CRMP1: variants seen among roughly 807,000 people sequenced by gnomAD.
CRMP1 encodes the protein dihydropyrimidinase-related protein 1.
CRMP1 carries 19 observed loss-of-function variants against 68.3 expected under a neutral mutation model. The ratio of observed to expected loss-of-function variants is 0.28; its 90% CI spans 0.19 to 0.41. The LOEUF (loss-of-function observed/expected upper bound fraction) is 0.41. Among genes scored for constraint, CRMP1 ranks in the 10% least tolerant of loss-of-function variants. CRMP1 has a pLI of 1.00. For synonymous variants in CRMP1, 439 were observed against 399.6 expected (o/e 1.10, Z -1.18); for missense variants, 791 against 967.4 (o/e 0.82, Z 2.42).
chr4:5,851,559 G>C, intron 4 of CRMP1, 90 bp from the exon 5 acceptor site: 1 of 1,302,128 alleles, frequency 7.7e-7, no homozygotes, highest in South Asian at 1.2e-5. Flanking sequence ...GAGCAGAGTG[G>C]TAGTCGCCAG....
chr4:5,878,908 T>C (rs2152473734), intron 1 of CRMP1, among the ~76,000 whole-genome samples: 1 of 152,286 alleles, frequency 6.6e-6, no homozygotes, highest in Middle Eastern at 3.4e-3. Flanking sequence ...AACTCTTTTT[T>C]AGATCTTGTT....
intron 11 of CRMP1, among the ~76,000 whole-genome samples, chr4:5,830,952 AT>A (rs1221711345): frequency 6.6e-6 from 1 of 151,866 alleles, no homozygotes; most frequent in African/African-American, 2.4e-5. Context: ...TTAGTTTTTT[AT>A]TTTTGTTTGT....
chr4:5,864,331 C>T (rs1713823147), intron 2 of CRMP1, among the ~76,000 whole-genome samples: 1 of 152,184 alleles, frequency 6.6e-6, no homozygotes, highest in African/African-American at 2.4e-5. Context: ...CCAGAGCCCC[C>T]ACACAAAGGG....
Position 5,892,719 on chromosome 4 carries a change from G to GC in CRMP1, c.250_251insG (p.Thr84SerfsTer46). On this transcript the variant is annotated frameshift_variant, in exon 1 of 14. Coordinates refer to ENST00000324989, the MANE Select transcript of CRMP1 (RefSeq NM_001014809.3). LOFTEE classifies it high-confidence loss of function. This position sits in a 1 kb window ranked among gnomAD's most constrained non-coding sequence, Gnocchi z 8.6. The stretch of plus-strand genomic sequence containing the variant: ...CGAGGGCTCGCTCACGTCGCTGGCC[G>GC]TGTCCTCGCTGCCTCCCGGCCCTGG... The GC allele has an allele frequency of 8.1e-7, 1 of 1,228,788 alleles. No individual in the cohort carries two copies. The highest frequency in any genetic ancestry group is 3.3e-5 in the South Asian group (1 of 30,188). 76.1% of individuals were successfully genotyped at this position (1,228,788 alleles called of 1,614,324 possible). A position where few individuals can be genotyped will look rare whatever the true frequency, so the allele number is the denominator to read the frequency against.
chr4:5,881,095 C>T lies in CRMP1; in HGVS notation c.381+11494G>A, dbSNP rs1445883619. ...ACACAGCTGATACAAAGGCAGAGGGCCACACATGGTGTGCCAGGTCAAGGC... is the reference window on the plus strand; with the variant it reads ...ACACAGCTGATACAAAGGCAGAGGGTCACACATGGTGTGCCAGGTCAAGGC... On this transcript the variant is annotated intron_variant, in intron 1 of 13. Coordinates refer to ENST00000324989, the MANE Select transcript of CRMP1 (RefSeq NM_001014809.3). The surrounding 1 kb of genome is among the most constrained non-coding windows in gnomAD (Gnocchi z 4.6). Among the ~76,000 whole-genome samples the T allele has an allele frequency of 6.6e-6, 1 of 152,214 alleles. No homozygotes were observed. Among genetic ancestry groups the T allele is most frequent in the African/African-American group, 2.4e-5 (1 of 41,460 alleles).
intron 10 of CRMP1, among the ~76,000 whole-genome samples, chr4:5,836,306 T>C (rs781550345): frequency 2.0e-5 from 3 of 152,178 alleles, no homozygotes; most frequent in Non-Finnish European, 4.4e-5. Flanking sequence ...CAAGAGCCAC[T>C]ATGACATCTT....
intron 13 of CRMP1, chr4:5,824,630 A>T: frequency 1.1e-6 from 1 of 949,984 alleles, no homozygotes; most frequent in Non-Finnish European, 1.3e-6. Context: ...AATAGTTTGT[A>T]CATTTTCAAA....
Position 5,892,623 on chromosome 4 carries a change from G to T in CRMP1, c.347C>A (p.Pro116His). ...PPTLRIRRPA[P>H]RDLPLGRDNG... ...GTCCCGGCCGAGGGGCAGGTCGCGG[G>T]GCGCGGGGCGGCGGATGCGCAGCGT... The change falls in exon 1 of 14, where the codon CCC (proline) becomes CAC (histidine). Residue 116 changes from proline to histidine, a missense_variant. Pro to His is a moderately conservative substitution (Grantham distance 77). Coordinates refer to ENST00000324989, the MANE Select transcript of CRMP1 (RefSeq NM_001014809.3). The surrounding 1 kb of genome is among the most constrained non-coding windows in gnomAD (Gnocchi z 8.6). 8.4e-7 allele frequency: 1 copy of T among 1,190,724 alleles called. No homozygotes were observed. The allele number at this position is 1,190,724 out of a possible 1,614,324, so 73.8% of individuals were successfully genotyped here. A position where few individuals can be genotyped will look rare whatever the true frequency, so the allele number is the denominator to read the frequency against.
Position 5,861,910 on chromosome 4 carries a change from C to CA in CRMP1, c.471-701dup, listed in dbSNP as rs543182501. Among the ~76,000 whole-genome samples the CA allele has an allele frequency of 1.3e-5, 2 of 152,238 alleles. No homozygotes were observed. The highest frequency in any genetic ancestry group is 1.9e-4 in the East Asian group (1 of 5,178). On this transcript the variant is annotated intron_variant, in intron 2 of 13. Transcript: ENST00000324989. This position sits in a 1 kb window ranked among gnomAD's most constrained non-coding sequence, Gnocchi z 6.0. Reference sequence around the variant, plus strand: ...GGCAGCATATTAATTTTCTAAGTCACAAAAAACCCTAGTAATAAAGACACA... The same window carrying CA: ...GGCAGCATATTAATTTTCTAAGTCACAAAAAAACCCTAGTAATAAAGACACA...
chr4:5,851,684 T>TGGAGGAGAAAG (rs1255941974), intron 4 of CRMP1, among the ~76,000 whole-genome samples: 2 of 147,994 alleles, frequency 1.4e-5, no homozygotes. Flanking sequence ...CTGAAGGTGA[T>TGGAGGAGAAAG]GGAGGAGAAA....
intron 4 of CRMP1, among the ~76,000 whole-genome samples, chr4:5,852,942 G>A (rs1302664362): frequency 4.6e-5 from 7 of 152,082 alleles, no homozygotes; most frequent in Non-Finnish European, 1.0e-4. Context: ...AGCCCCAAGA[G>A]CCAGAGGCAG....
At chr4:5,874,954 G>T (rs1167492769) in intron 1 of CRMP1, among the ~76,000 whole-genome samples, 2 of 152,184 alleles carry the variant, frequency 1.3e-5, no homozygotes, top group African/African-American at 2.4e-5. Flanking sequence ...ACCCTGCTGG[G>T]CTGCATTCCT....
At position 5,843,150 on chromosome 4, in the gene CRMP1, C is replaced by T; in HGVS notation, c.975G>A (p.Arg325=). The T allele has an allele frequency of 1.2e-6, 2 of 1,614,168 alleles. No individual in the cohort carries two copies. The highest frequency in any genetic ancestry group is 1.1e-5 in the South Asian group (1 of 91,070). ...NGDLIAQEQK[R]ILEMGITGPE... ...GACCCGTGATGCCCATCTCCAGGAT[C>T]CGCTTTTGTTCCTACAAGACAAGAA... is the stretch of plus-strand genomic sequence containing the variant. Residue 325 remains arginine, a synonymous_variant, in exon 7 of 14, where the codon CGG becomes CGA. Coordinates refer to ENST00000324989, the MANE Select transcript of CRMP1 (RefSeq NM_001014809.3). This position sits in a 1 kb window ranked among gnomAD's most constrained non-coding sequence, Gnocchi z 4.1.
intron 1 of CRMP1, among the ~76,000 whole-genome samples, chr4:5,873,687 G>C (rs7674209): frequency 6.6e-6 from 1 of 152,174 alleles, no homozygotes; most frequent in Non-Finnish European, 1.5e-5. Context: ...CCAATACTGG[G>C]CACTACAATT....
At position 5,888,128 on chromosome 4, in the gene CRMP1, G is replaced by A; in HGVS notation, c.381+4461C>T. On this transcript the variant is annotated intron_variant, in intron 1 of 13. Coordinates refer to ENST00000324989, the MANE Select transcript of CRMP1 (RefSeq NM_001014809.3). This position sits in a 1 kb window ranked among gnomAD's most constrained non-coding sequence, Gnocchi z 6.4. ...CCCGCGGCGACGCAGGAGGCCTCGG[G>A]GGGCGCCCCTGCCGGCGCCCCGTGG... 8.2e-7 allele frequency: 1 copy of A among 1,215,586 alleles called. No homozygotes were observed. Among genetic ancestry groups the A allele is most frequent in the East Asian group, 3.3e-5 (1 of 30,758 alleles). The allele number at this position is 1,215,586 out of a possible 1,614,324, so 75.3% of individuals were successfully genotyped here. A position where few individuals can be genotyped will look rare whatever the true frequency, so the allele number is the denominator to read the frequency against.
rs1715351983 is a variant in CRMP1, at chr4:5,883,412, T to C, written c.381+9177A>G. On this transcript the variant is annotated intron_variant, in intron 1 of 13. Transcript: ENST00000324989. This position sits in a 1 kb window ranked among gnomAD's most constrained non-coding sequence, Gnocchi z 4.5. ...CCTCCCAGGTTCAAGCAATTTCTCCTGCCTCAGCCTCCCGAATAGCTGGGA... is the reference window on the plus strand; with the variant it reads ...CCTCCCAGGTTCAAGCAATTTCTCCCGCCTCAGCCTCCCGAATAGCTGGGA... Among the ~76,000 whole-genome samples the C allele has an allele frequency of 6.6e-6, 1 of 152,090 alleles. No individual in the cohort carries two copies. Among genetic ancestry groups the C allele is most frequent in the Admixed American group, 6.6e-5 (1 of 15,260 alleles).
In CRMP1 at chr4:5,854,202, T is replaced by C. The variant is rs1304229583; in HGVS notation, c.820+1941A>G. On this transcript the variant is annotated intron_variant, in intron 4 of 13. Coordinates refer to ENST00000324989, the MANE Select transcript of CRMP1 (RefSeq NM_001014809.3). This position sits in a 1 kb window ranked among gnomAD's most constrained non-coding sequence, Gnocchi z 4.0. ...ACTGTCAATTTCCTTGGATTATGACTCTGTTATGTAGTTGCAGTGAATCAC... is the reference window on the plus strand; with the variant it reads ...ACTGTCAATTTCCTTGGATTATGACCCTGTTATGTAGTTGCAGTGAATCAC... Among the ~76,000 whole-genome samples, 1 of 151,610 alleles carries C rather than the reference T, an allele frequency of 6.6e-6. No homozygotes were observed. The highest frequency in any genetic ancestry group is 1.5e-5 in the Non-Finnish European group (1 of 68,028).
chr4:5,828,455 A>G (rs769783028), intron 12 of CRMP1, 34 bp downstream of exon 12: 140 of 1,602,700 alleles, frequency 8.7e-5, no homozygotes, highest in Non-Finnish European at 1.2e-4. Flanking sequence ...CTCTGGTCCC[A>G]CGGGTGGGCC....
At chr4:5,823,754 C>T (rs1411718331) in intron 13 of CRMP1, among the ~76,000 whole-genome samples, 1 of 152,208 alleles carries the variant, frequency 6.6e-6, no homozygotes, top group South Asian at 2.1e-4. Flanking sequence ...CAGACGCTGG[C>T]ACCGTGCTGC....
Sources: gnomAD v4.1 joint callset for allele counts (sites outside exome capture counted in the v4.1 genomes callset) on GRCh38, gnomAD v4.1.1 for gene constraint, Gnocchi (gnomAD v3.1) non-coding constraint, MANE v1.5 for transcripts, NCBI Gene and HGNC (gene_info 2026-07-23, HGNC 2026-07-21) for gene names.